Variants in SLC12A7 observed in about 807,000 individuals in gnomAD.
SLC12A7 encodes solute carrier family 12 member 7, also known as K-Cl cotransporter 4.
SLC12A7 carries 100 observed loss-of-function variants against 120.6 expected under a neutral mutation model. That is an observed-to-expected ratio of 0.83 (90% CI 0.71 to 0.98). The LOEUF (loss-of-function observed/expected upper bound fraction) is 0.98, where lower values mean the gene tolerates loss of function less well. SLC12A7 is among the 50% of genes least tolerant of loss of function. The pLI is 0.00. For missense variants in SLC12A7, 1,373 were observed against 1,548.1 expected (o/e 0.89, Z 1.90); for synonymous variants, 760 against 678.0 (o/e 1.12, Z -1.88).
intron 1 of SLC12A7, among the ~76,000 whole-genome samples, chr5:1,097,931 GA>G (rs1741432847): frequency 7.0e-6 from 1 of 143,798 alleles, no homozygotes; most frequent in Non-Finnish European, 1.5e-5. Context: ...GCCCACTTGG[GA>G]GTGCCCACAA....
intron 3 of SLC12A7, among the ~76,000 whole-genome samples, chr5:1,091,755 C>T (rs1019391210): frequency 5.3e-5 from 8 of 151,534 alleles, no homozygotes; most frequent in East Asian, 1.9e-4. Flanking sequence ...TACCCAGTTC[C>T]GCAGCGTCCA....
intron 4 of SLC12A7, among the ~76,000 whole-genome samples, 190 bp from the exon 5 acceptor site, chr5:1,088,550 G>C (rs1458772634): frequency 1.3e-5 from 2 of 152,180 alleles, no homozygotes; most frequent in Non-Finnish European, 2.9e-5. Context: ...GCGTGTCCTG[G>C]TTCCCACCCC....
rs1417943477 is a variant in SLC12A7 at position 1,093,044 on chromosome 5, C to T, written c.342+489G>A. ...AAACCTTTCCCCACTGCACCCCCCT[C>T]GTTTCCTAGGACGGATTCCTGGAAA... On this transcript the variant is annotated intron_variant, in intron 3 of 23. Transcript: ENST00000264930. 1.1e-4 allele frequency among the ~76,000 whole-genome samples: 17 copies of T among 152,274 alleles called. No individual in the cohort carries two copies. The East Asian group carries it at 2.9e-3, about 26-fold the overall frequency.
At chr5:1,142,277 C>CTCCCCTCCCCCCTCGCCCCTCCCG in the SLC12A7 span, among the ~76,000 whole-genome samples, 1 of 124,096 alleles carries the variant, frequency 8.1e-6, no homozygotes, top group African/African-American at 4.1e-5. Flanking sequence ...CCTGTCCCCT[C>CTCCCCTCCCCCCTCGCCCCTCCCG]TCTCCCCTCT....
chr5:1,061,597 C>T (rs1199691993), intron 20 of SLC12A7, among the ~76,000 whole-genome samples: 1 of 152,214 alleles, frequency 6.6e-6, no homozygotes, highest in Non-Finnish European at 1.5e-5. Context: ...GTGTCTCACC[C>T]GCCGCACCCG....
intron 1 of SLC12A7, among the ~76,000 whole-genome samples, chr5:1,096,821 G>A (rs1741273218): frequency 1.4e-5 from 1 of 71,732 alleles, no homozygotes; most frequent in Non-Finnish European, 3.0e-5. Context: ...AGGAGGGAAG[G>A]GAGGGAAGGA....
At chr5:1,116,602 G>A (rs946037707), upstream of SLC12A7, among the ~76,000 whole-genome samples, 1 of 152,166 alleles carries the variant, frequency 6.6e-6, no homozygotes, top group African/African-American at 2.4e-5. Context: ...GGAAGATTCC[G>A]TGGATGAGTC....
At chr5:1,064,295 G>C (rs1219123902) in intron 18 of SLC12A7, 43 bp from the exon 19 acceptor site, 1 of 1,577,554 alleles carries the variant, frequency 6.3e-7, no homozygotes, top group Non-Finnish European at 8.6e-7. Flanking sequence ...TGAGGCCAGG[G>C]TGCGGAAGGG....
chr5:1,150,034 GA>G, the SLC12A7 span, among the ~76,000 whole-genome samples: 6 of 151,978 alleles, frequency 3.9e-5, no homozygotes, highest in African/African-American at 1.4e-4. Flanking sequence ...CCACCTCAAA[GA>G]AAAAAACAAC....
At chr5:1,135,367 G>T in the SLC12A7 span, among the ~76,000 whole-genome samples, 1 of 128,452 alleles carries the variant, frequency 7.8e-6, no homozygotes, top group Non-Finnish European at 1.6e-5. Context: ...GTTTTCCAGG[G>T]CCTTGGACAA....
intron 17 of SLC12A7, 24 bp from the exon 18 acceptor site, chr5:1,065,502 T>C: frequency 6.5e-7 from 1 of 1,540,076 alleles, no homozygotes; most frequent in Admixed American, 1.9e-5. Context: ...GACAGGTTGG[T>C]GCTACAGCAG....
upstream of SLC12A7, among the ~76,000 whole-genome samples, chr5:1,112,716 C>T (rs1291456611): frequency 7.5e-6 from 1 of 133,714 alleles, no homozygotes; most frequent in Non-Finnish European, 1.6e-5. Flanking sequence ...AGGCTGTCAA[C>T]ACCCGCTCAG....
At chr5:1,150,097 G>A in the SLC12A7 span, among the ~76,000 whole-genome samples, 17 of 152,280 alleles carry the variant, frequency 1.1e-4, no homozygotes, top group African/African-American at 3.8e-4. Context: ...ATTTTTAAAA[G>A]GGTGTATTTG....
At chr5:1,096,863 ATGAAGGGAGGG>A (rs1741299050) in intron 1 of SLC12A7, among the ~76,000 whole-genome samples, 1 of 78,796 alleles carries the variant, frequency 1.3e-5, no homozygotes, top group African/African-American at 5.1e-5. Context: ...GGAGGGAGGG[ATGAAGGGAGGG>A]AGGGAGGGAA....
At chr5:1,120,566 G>A in the SLC12A7 span, among the ~76,000 whole-genome samples, 97 of 152,198 alleles carry the variant, frequency 6.4e-4, no homozygotes, top group Non-Finnish European at 1.1e-3. Context: ...CTCCAGACAC[G>A]CCTCCATCAC....
chr5:1,153,562 C>A, the SLC12A7 span, among the ~76,000 whole-genome samples: 1 of 152,186 alleles, frequency 6.6e-6, no homozygotes, highest in Admixed American at 6.5e-5. Flanking sequence ...CCTGTCCATG[C>A]CTGGGGTGCT....
chr5:1,089,202 C>T, intron 3 of SLC12A7, 74 bp from the exon 4 acceptor site: 1 of 1,544,482 alleles, frequency 6.5e-7, no homozygotes, highest in Non-Finnish European at 8.8e-7. Flanking sequence ...AGGCTGCACT[C>T]AGGCCCTGGG....
At chr5:1,086,679 C>A (rs561425833) in intron 6 of SLC12A7, among the ~76,000 whole-genome samples, 6 of 152,240 alleles carry the variant, frequency 3.9e-5, no homozygotes, top group African/African-American at 1.4e-4. Flanking sequence ...GCACGCCTCA[C>A]GGAGGGCAGC....
chr5:1,107,818 C>T (rs564888816), intron 1 of SLC12A7, among the ~76,000 whole-genome samples: 4 of 152,148 alleles, frequency 2.6e-5, no homozygotes, highest in East Asian at 1.9e-4. Context: ...CCTGAGTCCA[C>T]GAGGCAAAGG....
Sources: gnomAD v4.1 joint callset for allele counts (sites outside exome capture counted in the v4.1 genomes callset) on GRCh38, gnomAD v4.1.1 for gene constraint, MANE v1.5 for transcripts, NCBI Gene and HGNC (gene_info 2026-07-23, HGNC 2026-07-21) for gene names.